TTLL7: variants seen among roughly 807,000 people sequenced by gnomAD.
TTLL7 encodes tubulin tyrosine ligase like 7.
In TTLL7, 53 loss-of-function variants were observed where a neutral mutation model predicts 120.2. That is an observed-to-expected ratio of 0.44 (90% confidence interval 0.35 to 0.55). TTLL7 has a LOEUF of 0.55. Ranked by LOEUF, TTLL7 falls within the 20% of genes least tolerant of loss-of-function variation. The pLI, the probability that TTLL7 is intolerant of heterozygous loss-of-function variation, is 0.00. For synonymous variants in TTLL7, 353 were observed against 351.7 expected (o/e 1.00, Z -0.04); for missense variants, 803 against 1,054.7 (o/e 0.76, Z 3.31).
intron 1 of TTLL7, among the ~76,000 whole-genome samples, chr1:83,965,625 A>G (rs1650390495): frequency 6.6e-6 from 1 of 152,122 alleles, no homozygotes; most frequent in Non-Finnish European, 1.5e-5. Context: ...GCCTTATTTG[A>G]TTATTTAAAT....
At chr1:83,939,382 A>T (rs12146038) in intron 7 of TTLL7, among the ~76,000 whole-genome samples, 65,595 of 152,034 alleles carry the variant, frequency 0.43, 15,607 homozygotes, top group Non-Finnish European at 0.54. Context: ...AATTAATAAC[A>T]CTAATAAAAA....
chr1:83,959,939 A>G (rs545284092), intron 1 of TTLL7, among the ~76,000 whole-genome samples: 1 of 152,302 alleles, frequency 6.6e-6, no homozygotes, highest in East Asian at 1.9e-4. Flanking sequence ...AAATTATGAA[A>G]TAAGCATATA....
Position 83,952,266 on chromosome 1 carries a change from A to G in TTLL7, c.-55T>C, listed in dbSNP as rs374091532. 9.1e-4 allele frequency: 1,462 copies of G among 1,605,574 alleles called. 23 individuals are homozygous for G. The South Asian group carries it at 0.015, about 17-fold the overall frequency. ...GTGCTGCTGTACCAAGCTCTCAGGAAATCTGGAAATTCCACATTAGTCTAA... is the reference window on the plus strand; with the variant it reads ...GTGCTGCTGTACCAAGCTCTCAGGAGATCTGGAAATTCCACATTAGTCTAA... On this transcript the variant is annotated 5_prime_UTR_variant, in exon 2 of 21. Transcript: ENST00000260505.
At chr1:83,995,098 C>T (rs538932535) in intron 1 of TTLL7, among the ~76,000 whole-genome samples, 30 of 152,234 alleles carry the variant, frequency 2.0e-4, no homozygotes, top group African/African-American at 7.2e-4. Context: ...TGCCTTTCTC[C>T]CAGTCTCCAT....
intron 14 of TTLL7, among the ~76,000 whole-genome samples, chr1:83,913,554 C>G (rs1229323430): frequency 2.0e-5 from 3 of 152,164 alleles, no homozygotes; most frequent in Non-Finnish European, 4.4e-5. Context: ...TACCATCCCT[C>G]TAAAAAGGAA....
chr1:83,965,094 C>CA (rs1650331829), intron 1 of TTLL7, among the ~76,000 whole-genome samples: 1 of 134,324 alleles, frequency 7.4e-6, no homozygotes, highest in Non-Finnish European at 1.6e-5. Flanking sequence ...AAGAGGTCAT[C>CA]AATCTCTCCC....
rs550286963 is a variant in TTLL7 at position 83,913,235 on chromosome 1, T to C, written c.1588-1872A>G. On this transcript the variant is annotated intron_variant, in intron 14 of 20. Transcript: ENST00000260505. ...TATGGCACAACCATACTACTTATTTTTTATGTCCAATTTTATTATGAAGTA... is the reference window on the plus strand; with the variant it reads ...TATGGCACAACCATACTACTTATTTCTTATGTCCAATTTTATTATGAAGTA... Among the ~76,000 whole-genome samples, 6 of 152,290 alleles carry C rather than the reference T, an allele frequency of 3.9e-5. No homozygotes were observed. In the East Asian group the frequency reaches 1.2e-3, roughly 29 times the overall value.
At chr1:83,891,970 G>A (rs1187884214) in intron 18 of TTLL7, among the ~76,000 whole-genome samples, 2 of 151,702 alleles carry the variant, frequency 1.3e-5, no homozygotes, top group Non-Finnish European at 1.5e-5. Context: ...TGGGACAAGA[G>A]GCACACACCA....
intron 18 of TTLL7, among the ~76,000 whole-genome samples, chr1:83,892,144 T>C (rs1210311038): frequency 1.3e-5 from 2 of 150,990 alleles, no homozygotes; most frequent in South Asian, 2.1e-4. Context: ...ACGCTTGTAA[T>C]AGAAGTAAAA....
chr1:83,916,009 G>A (rs1373915028), intron 14 of TTLL7, among the ~76,000 whole-genome samples: 1 of 152,172 alleles, frequency 6.6e-6, no homozygotes, highest in Non-Finnish European at 1.5e-5. Flanking sequence ...TGGAGAGGAT[G>A]TGGAGAAATA....
intron 19 of TTLL7, 102 bp downstream of exon 19, chr1:83,890,219 T>C: frequency 8.3e-7 from 1 of 1,202,570 alleles, no homozygotes. Context: ...GTAAAAGAAA[T>C]CCATATTTTA....
At chr1:83,879,936 T>C (rs1654296117) in intron 20 of TTLL7, 3 of 152,006 alleles carry the variant, frequency 2.0e-5, no homozygotes, top group Admixed American at 2.0e-4. Flanking sequence ...CTACTTTGTG[T>C]ACCCACAAAA....
chr1:83,992,819 T>C (rs1653128707), intron 1 of TTLL7, among the ~76,000 whole-genome samples: 1 of 133,518 alleles, frequency 7.5e-6, no homozygotes, highest in Non-Finnish European at 1.6e-5. Flanking sequence ...TTTGGAAATG[T>C]TTAGTTTCTA....
intron 15 of TTLL7, 68 bp from the exon 16 acceptor site, chr1:83,907,729 CTA>C: frequency 7.2e-7 from 1 of 1,387,390 alleles, no homozygotes; most frequent in Non-Finnish European, 1.0e-6. Flanking sequence ...TGTATGAAGT[CTA>C]TATAAACTAA....
At chr1:83,905,286 C>T (rs779936756) in intron 17 of TTLL7, among the ~76,000 whole-genome samples, 2 of 151,476 alleles carry the variant, frequency 1.3e-5, no homozygotes, top group Non-Finnish European at 2.9e-5. Flanking sequence ...TATATAACAA[C>T]AAAATATATA....
In TTLL7 at chr1:83,921,310, G is replaced by A; in HGVS notation, c.1227C>T (p.Leu409=). The change falls in exon 11 of 21, where the codon CTC becomes CTT. Residue 409 remains leucine (L), a synonymous_variant. Transcript: ENST00000260505. ...RLYGQNSIKR[L]LPGSSDWEQQ... ...GTTCCCAGTCTGAGGAGCCTGGTAA[G>A]AGCCTTTTAATTGAATTTTGACCAT... 6.2e-7 allele frequency: 1 copy of A among 1,613,100 alleles called. No individual in the cohort carries two copies. Among genetic ancestry groups the A allele is most frequent in the East Asian group, 2.2e-5 (1 of 44,858 alleles).
chr1:83,995,590 G>A (rs1283197277), intron 1 of TTLL7, among the ~76,000 whole-genome samples: 1 of 151,868 alleles, frequency 6.6e-6, no homozygotes, highest in African/African-American at 2.4e-5. Context: ...GCAGAACTGT[G>A]AGCCAATTAC....
chr1:83,974,585 C>T (rs1651292483), intron 1 of TTLL7, among the ~76,000 whole-genome samples: 1 of 151,908 alleles, frequency 6.6e-6, no homozygotes, highest in Non-Finnish European at 1.5e-5. Context: ...GTCTTCATGC[C>T]ATTAAGCCTA....
chr1:83,903,915 G>A (rs529069661), intron 18 of TTLL7, among the ~76,000 whole-genome samples, 164 bp downstream of exon 18: 2 of 152,140 alleles, frequency 1.3e-5, no homozygotes, highest in African/African-American at 4.8e-5. Flanking sequence ...TGTATCCTCA[G>A]AACCTAGAAG....
Sources: allele counts gnomAD v4.1 joint callset (sites outside exome capture counted in the v4.1 genomes callset), GRCh38; gene constraint gnomAD v4.1.1; transcripts MANE v1.5; gene names NCBI Gene and HGNC (gene_info 2026-07-23, HGNC 2026-07-21).